MAP6: variants seen among roughly 807,000 people sequenced by gnomAD.
The protein encoded by MAP6 is microtubule associated protein 6, also known as microtubule-associated protein 6.
In MAP6, 26 loss-of-function variants were observed where a neutral mutation model predicts 42.4. The ratio of observed to expected loss-of-function variants is 0.61; its 90% CI spans 0.45 to 0.85. MAP6 has a LOEUF of 0.85. Among genes scored for constraint, MAP6 ranks in the 40% least tolerant of loss-of-function variants. The pLI is 0.00. For missense variants in MAP6, 966 were observed against 1,099.0 expected, an observed-to-expected ratio of 0.88 and a Z score of 1.71; for synonymous variants, 418 against 443.8, an observed-to-expected ratio of 0.94 and a Z score of 0.73.
intron 1 of MAP6, among the ~76,000 whole-genome samples, chr11:75,630,520 G>A (rs897917352): frequency 1.3e-5 from 2 of 152,114 alleles, no homozygotes; most frequent in African/African-American, 4.8e-5. Flanking sequence ...AATTTTAAAA[G>A]AGGCTTCTAT....
chr11:75,603,110 C>A (rs1274022168), intron 3 of MAP6: 1 of 985,576 alleles, frequency 1.0e-6, no homozygotes, highest in East Asian at 1.1e-4. Flanking sequence ...CTCAGAGAGG[C>A]AAAGAAAGCT....
At chr11:75,642,884 C>T (rs975461117) in intron 1 of MAP6, 15 of 493,230 alleles carry the variant, frequency 3.0e-5, no homozygotes, top group East Asian at 5.5e-5. Context: ...GTTGCAGCAT[C>T]CAGTTCATCT....
chr11:75,663,019 T>C (rs887622221), intron 1 of MAP6, among the ~76,000 whole-genome samples: 42 of 151,522 alleles, frequency 2.8e-4, no homozygotes, highest in African/African-American at 9.2e-4. Flanking sequence ...TGGAGGACAG[T>C]GGCATGATCT....
chr11:75,653,267 G>C (rs1943679971), intron 1 of MAP6, among the ~76,000 whole-genome samples: 1 of 152,192 alleles, frequency 6.6e-6, no homozygotes, highest in African/African-American at 2.4e-5. Flanking sequence ...AGGAAAGCAA[G>C]CTGAATGGAC....
At chr11:75,628,169 A>T (rs1055253184) in intron 1 of MAP6, among the ~76,000 whole-genome samples, 10 of 152,178 alleles carry the variant, frequency 6.6e-5, no homozygotes, top group Non-Finnish European at 1.2e-4. Flanking sequence ...TTGCTGGAGC[A>T]AAGAATGCAC....
At chr11:75,624,594 C>T (rs748957712) in intron 1 of MAP6, among the ~76,000 whole-genome samples, 1 of 152,156 alleles carries the variant, frequency 6.6e-6, no homozygotes, top group Non-Finnish European at 1.5e-5. Flanking sequence ...TGTTCATTAG[C>T]CTGTGTCTGC....
chr11:75,611,574 A>G (rs73488420), intron 1 of MAP6, among the ~76,000 whole-genome samples: 8 of 152,210 alleles, frequency 5.3e-5, no homozygotes, highest in African/African-American at 1.9e-4. Flanking sequence ...CCCAAATTCC[A>G]TTTCTTAGAA....
At position 75,587,373 on chromosome 11, in the gene MAP6, G is replaced by A; in HGVS notation, c.2128C>T (p.Pro710Ser). 4 of 1,614,074 alleles carry A rather than the reference G, an allele frequency of 2.5e-6. No individual in the cohort carries two copies. Among genetic ancestry groups the A allele is most frequent in the African/African-American group, 2.7e-5 (2 of 74,990 alleles). ...GGGTCTTGATTCTTCACGGACTCGG[G>A]GACCACAGGACCTTGATTCTTTACA... ...APVKNQGPVV[P>S]ESVKNQDPIL... The change falls in exon 4 of 4, where the codon CCC (proline) becomes TCC (serine). Residue 710 changes from proline (P) to serine (S), a missense_variant. Pro to Ser is a moderately conservative substitution (Grantham distance 74). Coordinates refer to ENST00000304771, the MANE Select transcript of MAP6 (RefSeq NM_033063.2).
intron 3 of MAP6, among the ~76,000 whole-genome samples, chr11:75,593,860 G>GAAT (rs1942526423): frequency 6.6e-6 from 1 of 152,210 alleles, no homozygotes; most frequent in African/African-American, 2.4e-5. Context: ...TGGGCTTGAG[G>GAAT]CCCAGAGAGC....
intron 1 of MAP6, among the ~76,000 whole-genome samples, chr11:75,651,645 T>A (rs1396230121): frequency 6.6e-6 from 1 of 152,234 alleles, no homozygotes; most frequent in Non-Finnish European, 1.5e-5. Flanking sequence ...TTGGTTGCTA[T>A]GAGAGATTGG....
At position 75,667,930 on chromosome 11, in the gene MAP6, T is replaced by A. The variant is rs972096695; in HGVS notation, c.440A>T (p.Asp147Val). 4 of 1,389,448 alleles carry A rather than the reference T, an allele frequency of 2.9e-6. No individual in the cohort carries two copies. The highest frequency in any genetic ancestry group is 1.9e-6 in the Non-Finnish European group (2 of 1,067,512). The allele number at this position is 1,389,448 out of a possible 1,614,324, so 86.1% of individuals were successfully genotyped here. ...CTGGGTCTCGCGCTCGAAGGGAGCG[T>A]CGGAGGGCTGGTATTCGCTGCGCGG... is the stretch of plus-strand genomic sequence containing the variant. Reference protein sequence around the residue: ...CRPRSEYQPSDAPFERETQYQ... With the variant: ...CRPRSEYQPSVAPFERETQYQ... Residue 147 changes from aspartate to valine, a missense_variant, in exon 1 of 4, where the codon GAC (aspartate) becomes GTC (valine). Physicochemically the swap from Asp to Val is radical, Grantham distance 152 (BLOSUM62 -3). Around this residue, in one of 2 missense-constraint regions of MAP6, gnomAD observed 943 missense variants for 1,049.9 expected, o/e 0.90. Coordinates refer to ENST00000304771, the MANE Select transcript of MAP6 (RefSeq NM_033063.2). The surrounding 1 kb of genome is among the most constrained non-coding windows in gnomAD (Gnocchi z 5.6).
intron 1 of MAP6, among the ~76,000 whole-genome samples, chr11:75,659,141 T>C (rs933688086): frequency 1.1e-4 from 16 of 152,156 alleles, no homozygotes; most frequent in Non-Finnish European, 1.9e-4. Flanking sequence ...AAGTGCTGAG[T>C]GTAGAGAAAG....
At chr11:75,613,234 T>A (rs890267505) in intron 1 of MAP6, among the ~76,000 whole-genome samples, 5 of 151,910 alleles carry the variant, frequency 3.3e-5, no homozygotes, top group Admixed American at 3.3e-4. Context: ...TGATGTCACC[T>A]CCTCCTGAGC....
Position 75,668,129 on chromosome 11 carries a change from G to C in MAP6, c.241C>G (p.Arg81Gly), listed in dbSNP as rs1018310470. The C allele has an allele frequency of 1.1e-4, 136 of 1,195,520 alleles. No individual in the cohort carries two copies. In the African/African-American group the frequency reaches 1.4e-3, roughly 12 times the overall value. The allele number at this position is 1,195,520 out of a possible 1,614,324, so 74.1% of individuals were successfully genotyped here. A position where few individuals can be genotyped will look rare whatever the true frequency, so the allele number is the denominator to read the frequency against. Residue 81 changes from arginine (R) to glycine (G), a missense_variant, in exon 1 of 4, where the codon CGG becomes GGG. Physicochemically the swap from Arg to Gly is moderately radical, Grantham distance 125 (BLOSUM62 -2). Around this residue, in one of 2 missense-constraint regions of MAP6, gnomAD observed 943 missense variants for 1,049.9 expected, o/e 0.90. Transcript: ENST00000304771. ...GGCCCAGGCGCTGGCCCCGTTGCCC[G>C]GGCAACTGCATCCAACTCGCCCTGG... ...PAQGELDAVA[R>G]ATGPAPGPTG...
At chr11:75,633,575 T>C (rs1590788884) in intron 1 of MAP6, among the ~76,000 whole-genome samples, 1 of 152,090 alleles carries the variant, frequency 6.6e-6, no homozygotes, top group African/African-American at 2.4e-5. Flanking sequence ...TGTCAGGTGG[T>C]GGGAAGTTCC....
intron 1 of MAP6, among the ~76,000 whole-genome samples, chr11:75,633,834 C>A (rs893706581): frequency 1.3e-5 from 2 of 152,088 alleles, no homozygotes; most frequent in Non-Finnish European, 2.9e-5. Context: ...CAGAGAAGGG[C>A]GAGCAGAGTG....
chr11:75,663,213 T>C (rs1030783390), intron 1 of MAP6, among the ~76,000 whole-genome samples: 7 of 152,008 alleles, frequency 4.6e-5, no homozygotes, highest in Non-Finnish European at 1.0e-4. Context: ...ACTCCTGACC[T>C]CGTGATCTGC....
At chr11:75,645,199 AAGG>A (rs1292806339) in intron 1 of MAP6, among the ~76,000 whole-genome samples, 1 of 152,176 alleles carries the variant, frequency 6.6e-6, no homozygotes. Context: ...ACGGCAAGGC[AAGG>A]AGAAGAGACC....
At chr11:75,655,737 C>T (rs1211544389) in intron 1 of MAP6, among the ~76,000 whole-genome samples, 1 of 152,208 alleles carries the variant, frequency 6.6e-6, no homozygotes, top group African/African-American at 2.4e-5. Flanking sequence ...TTGGCAGCAG[C>T]CCTCCCAAGA....
Sources: gnomAD v4.1 joint callset for allele counts (sites outside exome capture counted in the v4.1 genomes callset) on GRCh38, gnomAD v4.1.1 for gene constraint, gnomAD v4.1.1 regional missense constraint, Gnocchi (gnomAD v3.1) non-coding constraint, MANE v1.5 for transcripts, NCBI Gene and HGNC (gene_info 2026-07-23, HGNC 2026-07-21) for gene names.